GLIS3: variants seen among roughly 807,000 people sequenced by gnomAD.
The protein encoded by GLIS3 is zinc finger protein GLIS3.
Under a neutral mutation model 78.6 loss-of-function variants are expected in GLIS3, and 53 were observed. The ratio of observed to expected loss-of-function variants is 0.67; its 90% CI spans 0.54 to 0.85. The LOEUF (loss-of-function observed/expected upper bound fraction) is 0.85. Among genes scored for constraint, GLIS3 ranks in the 40% least tolerant of loss-of-function variants. GLIS3 has a pLI of 0.00. For missense variants in GLIS3, 1,703 were observed against 1,231.1 expected (o/e 1.38, Z -5.74); for synonymous variants, 684 against 509.9 (o/e 1.34, Z -4.60).
intron 4 of GLIS3, among the ~76,000 whole-genome samples, chr9:4,026,218 T>A (rs1427003653): frequency 1.3e-5 from 2 of 152,118 alleles, no homozygotes; most frequent in Admixed American, 1.3e-4. Context: ...TTGAAGAGAG[T>A]GGATTTACCC....
chr9:4,141,600 T>A (rs1833821636), intron 2 of GLIS3, among the ~76,000 whole-genome samples: 1 of 152,186 alleles, frequency 6.6e-6, no homozygotes, highest in African/African-American at 2.4e-5. Context: ...CACTAATGAG[T>A]AAGATGGAAT....
At chr9:4,056,904 T>C (rs1274680670) in intron 4 of GLIS3, among the ~76,000 whole-genome samples, 2 of 149,170 alleles carry the variant, frequency 1.3e-5, no homozygotes, top group African/African-American at 4.9e-5. Context: ...GACACTTTTT[T>C]TTTTTTTTTT....
chr9:4,227,528 G>A (rs1272435769), intron 2 of GLIS3, among the ~76,000 whole-genome samples: 2 of 152,142 alleles, frequency 1.3e-5, no homozygotes, highest in African/African-American at 4.8e-5. Flanking sequence ...AATTCTCTGT[G>A]TGCTGTAGTA....
chr9:4,347,767 C>A (rs754623935), intron 1 of GLIS3, among the ~76,000 whole-genome samples: 3 of 151,782 alleles, frequency 2.0e-5, no homozygotes, highest in Non-Finnish European at 2.9e-5. Context: ...GGGAGTCTAT[C>A]GCTTTACAAT....
chr9:4,063,982 C>G (rs1236116381), intron 4 of GLIS3, among the ~76,000 whole-genome samples: 1 of 152,006 alleles, frequency 6.6e-6, no homozygotes, highest in South Asian at 2.1e-4. Context: ...AGGTCCTGTT[C>G]CAGATGTCAA....
At chr9:3,908,092 A>C (rs2130663851) in intron 6 of GLIS3, among the ~76,000 whole-genome samples, 1 of 152,234 alleles carries the variant, frequency 6.6e-6, no homozygotes, top group Non-Finnish European at 1.5e-5. Context: ...TAAAACTAAG[A>C]CCTTAATTTG....
At chr9:4,395,393 G>A in the GLIS3 span, among the ~76,000 whole-genome samples, 1 of 152,134 alleles carries the variant, frequency 6.6e-6, no homozygotes, top group Non-Finnish European at 1.5e-5. Context: ...GTTTTAGTGT[G>A]AACGTTTGAT....
intron 4 of GLIS3, among the ~76,000 whole-genome samples, chr9:4,014,815 T>C (rs561460812): frequency 3.9e-5 from 6 of 152,186 alleles, no homozygotes; most frequent in Non-Finnish European, 7.3e-5. Context: ...TGGAGAGACT[T>C]GAATGGCTTA....
chr9:3,912,430 C>A (rs1405260842), intron 6 of GLIS3, among the ~76,000 whole-genome samples: 1 of 151,688 alleles, frequency 6.6e-6, no homozygotes, highest in Non-Finnish European at 1.5e-5. Flanking sequence ...CCAGAACCCA[C>A]AACAAAACTT....
At chr9:4,415,717 G>A in the GLIS3 span, among the ~76,000 whole-genome samples, 1 of 152,022 alleles carries the variant, frequency 6.6e-6, no homozygotes, top group Non-Finnish European at 1.5e-5. Context: ...CTTGATCAAA[G>A]CTTCAGATTA....
At chr9:3,850,599 C>G (rs1563774450) in intron 9 of GLIS3, among the ~76,000 whole-genome samples, 1 of 152,080 alleles carries the variant, frequency 6.6e-6, no homozygotes, top group Non-Finnish European at 1.5e-5. Context: ...ATGTTCCTAC[C>G]TCTCCCATTC....
At chr9:4,212,513 T>C (rs1416622510) in intron 2 of GLIS3, among the ~76,000 whole-genome samples, 2 of 152,110 alleles carry the variant, frequency 1.3e-5, no homozygotes, top group African/African-American at 4.8e-5. Flanking sequence ...GGCAAAACAA[T>C]ACAGCAGTGT....
chr9:3,873,662 A>T lies in GLIS3; in HGVS notation c.2297+5765T>A, dbSNP rs1821110940. ...ATAAATTTGCACAAAAATAAAATAAAGATAAAAAATAAAGAAAATAAAGTC... is the reference window on the plus strand; with the variant it reads ...ATAAATTTGCACAAAAATAAAATAATGATAAAAAATAAAGAAAATAAAGTC... On this transcript the variant is annotated intron_variant, in intron 8 of 10. Coordinates refer to ENST00000381971, the MANE Select transcript of GLIS3 (RefSeq NM_001042413.2). Among the ~76,000 whole-genome samples the T allele has an allele frequency of 2.0e-5, 3 of 151,556 alleles. No individual in the cohort carries two copies. The South Asian group carries it at 6.2e-4, about 31-fold the overall frequency.
chr9:3,847,100 C>T (rs762021174), intron 9 of GLIS3, among the ~76,000 whole-genome samples: 3 of 152,188 alleles, frequency 2.0e-5, no homozygotes, highest in Non-Finnish European at 4.4e-5. Flanking sequence ...AGGAGAATCA[C>T]TTGAGCCCGG....
chr9:4,224,609 T>C (rs1481311266), intron 2 of GLIS3, among the ~76,000 whole-genome samples: 1 of 152,104 alleles, frequency 6.6e-6, no homozygotes, highest in Non-Finnish European at 1.5e-5. Flanking sequence ...GGCACACCTC[T>C]AGCAAATGGA....
Position 4,117,992 on chromosome 9 carries a change from T to C in GLIS3, c.1486A>G (p.Ile496Val), listed in dbSNP as rs202024464. The change falls in exon 4 of 11, where the codon ATC becomes GTC. Residue 496 changes from isoleucine (I) to valine (V), a missense_variant. Physicochemically the swap from Ile to Val is conservative, Grantham distance 29. Transcript: ENST00000381971. ...CAGCGGCAGCAATGCTTGCCCCCGA[T>C]GCCGTCCATCTCCCCGTCGTCGTCC... Reference protein sequence around the residue: ...TLDDDGEMDGIGGKHCCRWID... With the variant: ...TLDDDGEMDGVGGKHCCRWID... The C allele has an allele frequency of 4.3e-6, 7 of 1,611,288 alleles. No homozygotes were observed. The African/African-American group carries it at 6.7e-5, about 15-fold the overall frequency.
intron 3 of GLIS3, among the ~76,000 whole-genome samples, chr9:4,125,027 T>C (rs777692048): frequency 6.6e-6 from 1 of 152,224 alleles, no homozygotes; most frequent in Non-Finnish European, 1.5e-5. Context: ...AAGCTTTGTC[T>C]GAGGGGGTGA....
chr9:4,119,039 C>T (rs1425625398), intron 3 of GLIS3, among the ~76,000 whole-genome samples, 158 bp from the exon 4 acceptor site: 1 of 152,154 alleles, frequency 6.6e-6, no homozygotes, highest in African/African-American at 2.4e-5. Context: ...AAGATAAAAT[C>T]CAAGGCTTCC....
At chr9:3,881,247 A>G (rs1308415767) in intron 7 of GLIS3, among the ~76,000 whole-genome samples, 1 of 152,230 alleles carries the variant, frequency 6.6e-6, no homozygotes, top group Admixed American at 6.5e-5. Flanking sequence ...AATAAAGGTC[A>G]TAGAGATACT....
Sources: allele counts gnomAD v4.1 joint callset (sites outside exome capture counted in the v4.1 genomes callset), GRCh38; gene constraint gnomAD v4.1.1; transcripts MANE v1.5; gene names NCBI Gene and HGNC (gene_info 2026-07-23, HGNC 2026-07-21).